Variants in RNF157 observed in about 807,000 individuals in gnomAD.
RNF157 encodes the protein E3 ubiquitin ligase RNF157.
In RNF157, 55 loss-of-function variants were observed where a neutral mutation model predicts 88.3. The ratio of observed to expected loss-of-function variants is 0.62; its 90% CI spans 0.50 to 0.78. The LOEUF is 0.78. RNF157 is among the 30% of genes least tolerant of loss of function. The pLI is 0.00. For missense variants in RNF157, 788 were observed against 860.8 expected, an observed-to-expected ratio of 0.92 and a Z score of 1.06; for synonymous variants, 334 against 341.2, an observed-to-expected ratio of 0.98 and a Z score of 0.23.
intron 2 of RNF157, among the ~76,000 whole-genome samples, chr17:76,203,733 T>C (rs1289910048): frequency 6.7e-6 from 1 of 149,834 alleles, no homozygotes; most frequent in East Asian, 2.0e-4. Flanking sequence ...ATTACAAGCA[T>C]GACCCACCAC....
chr17:76,210,266 C>T (rs996873161), intron 2 of RNF157, among the ~76,000 whole-genome samples: 4 of 151,872 alleles, frequency 2.6e-5, no homozygotes, highest in Admixed American at 1.3e-4. Flanking sequence ...TACTACTGGA[C>T]GAAAAATTAG....
intron 1 of RNF157, among the ~76,000 whole-genome samples, chr17:76,232,210 C>G (rs1443632074): frequency 2.0e-5 from 3 of 152,054 alleles, no homozygotes; most frequent in Admixed American, 1.3e-4. Context: ...TAGTGGGACC[C>G]CGTCTTTACA....
At chr17:76,156,484 C>A in intron 13 of RNF157, 163 bp from the exon 14 acceptor site, 1 of 1,429,286 alleles carries the variant, frequency 7.0e-7, no homozygotes, top group Middle Eastern at 2.4e-4. Context: ...TCCGTCCTCA[C>A]TTCAGCCCAA....
In RNF157 at chr17:76,157,255, C is replaced by T. The variant is rs563967060; in HGVS notation, c.1414-934G>A. Among the ~76,000 whole-genome samples the T allele has an allele frequency of 5.2e-4, 79 of 152,350 alleles. No homozygotes were observed. Among genetic ancestry groups the T allele is most frequent in the African/African-American group, 1.8e-3 (74 of 41,578 alleles). ...TGCCGGGATTCCAGGCGTGAGCCTC[C>T]GCGCCCGGCCAGTCACACAGTCCTT... On this transcript the variant is annotated intron_variant, in intron 13 of 18. Transcript: ENST00000269391. The surrounding 1 kb of genome is among the most constrained non-coding windows in gnomAD (Gnocchi z 5.6).
intron 2 of RNF157, among the ~76,000 whole-genome samples, chr17:76,179,231 C>T (rs1018193528): frequency 5.3e-5 from 8 of 151,402 alleles, no homozygotes; most frequent in Admixed American, 4.6e-4. Flanking sequence ...TTTGTCCCCA[C>T]AAAAAATGTA....
intron 3 of RNF157, among the ~76,000 whole-genome samples, chr17:76,169,579 G>GTTTT (rs558817508): frequency 2.2e-5 from 3 of 133,512 alleles, no homozygotes; most frequent in African/African-American, 8.4e-5. Flanking sequence ...GCCTAGTTAG[G>GTTTT]TTTTTTTTTT....
At chr17:76,164,832 A>C (rs2144847527) in intron 7 of RNF157, 37 bp from the exon 8 acceptor site, 1 of 1,495,894 alleles carries the variant, frequency 6.7e-7, no homozygotes, top group Non-Finnish European at 9.3e-7. Context: ...CAAGGAAGGG[A>C]GGGTAATAAA....
rs769565682 is a variant in RNF157, at chr17:76,152,473, G to T, written c.1811-8C>A. 16 of 1,575,368 alleles carry T rather than the reference G, an allele frequency of 1.0e-5. No individual in the cohort carries two copies. The highest frequency in any genetic ancestry group is 1.3e-5 in the Non-Finnish European group (15 of 1,144,878). On this transcript the variant is annotated splice_region_variant and splice_polypyrimidine_tract_variant and intron_variant, in intron 17 of 18. Transcript: ENST00000269391. ...ATGCGCACGTCCTCTGGCCTGTAAC[G>T]GAGTTAATGCAGTTAGAGAGGGGCT...
chr17:76,213,530 A>T (rs1018274684), intron 1 of RNF157, among the ~76,000 whole-genome samples: 2 of 149,224 alleles, frequency 1.3e-5, no homozygotes, highest in African/African-American at 5.0e-5. Context: ...AGATCACACC[A>T]CTACACTCCA....
chr17:76,178,948 A>G (rs771336657), intron 2 of RNF157, among the ~76,000 whole-genome samples: 24 of 152,170 alleles, frequency 1.6e-4, no homozygotes, highest in Non-Finnish European at 2.9e-4. Flanking sequence ...TGAGATTTCC[A>G]AGGATTAAAG....
chr17:76,210,565 G>A (rs2069774434), intron 2 of RNF157, among the ~76,000 whole-genome samples: 3 of 114,028 alleles, frequency 2.6e-5, no homozygotes, highest in Admixed American at 1.1e-4. Context: ...ACTCCAGCCT[G>A]GGCGACAGAG....
chr17:76,222,045 G>T (rs1263177079), intron 1 of RNF157, among the ~76,000 whole-genome samples: 1 of 152,180 alleles, frequency 6.6e-6, no homozygotes, highest in Non-Finnish European at 1.5e-5. Context: ...TGCTTAATTG[G>T]TTTTATTTTG....
chr17:76,183,364 T>C (rs539915164), intron 2 of RNF157, among the ~76,000 whole-genome samples: 2 of 152,286 alleles, frequency 1.3e-5, no homozygotes, highest in East Asian at 3.9e-4. Flanking sequence ...CTGATGCAGG[T>C]AGGTTAGAGA....
intron 1 of RNF157, among the ~76,000 whole-genome samples, chr17:76,215,239 T>C (rs892513394): frequency 4.0e-5 from 6 of 151,830 alleles, no homozygotes; most frequent in African/African-American, 1.5e-4. Flanking sequence ...AGGCCAGGAG[T>C]TGGAGACCAG....
chr17:76,153,182 A>G (rs1274915644), intron 17 of RNF157: 1 of 152,262 alleles, frequency 6.6e-6, no homozygotes, highest in African/African-American at 2.4e-5. Context: ...CGGTGAAACA[A>G]CCTGGCCACA....
At position 76,179,222 on chromosome 17, in the gene RNF157, T is replaced by C. The variant is rs533682503; in HGVS notation, c.208-5432A>G. Among the ~76,000 whole-genome samples, 3 of 151,812 alleles carry C rather than the reference T, an allele frequency of 2.0e-5. No individual in the cohort carries two copies. The East Asian group carries it at 5.8e-4, about 30-fold the overall frequency. On this transcript the variant is annotated intron_variant, in intron 2 of 18. Transcript: ENST00000269391. ...CCAGCCTGGGCAACATGGCGAGACT[T>C]TGTCCCCACAAAAAATGTAGAACTT...
chr17:76,155,361 C>T (rs374215088), intron 15 of RNF157, 44 bp from the exon 16 acceptor site: 69 of 1,594,650 alleles, frequency 4.3e-5, no homozygotes, highest in African/African-American at 1.2e-4. Context: ...ATAAAGGTCT[C>T]GTGACAGCAA....
At chr17:76,167,520 G>T (rs750250092) in intron 4 of RNF157, 131 bp downstream of exon 4, 28 of 1,320,106 alleles carry the variant, frequency 2.1e-5, no homozygotes, top group Middle Eastern at 2.3e-4. Flanking sequence ...ATAAGACATG[G>T]ACTCTCCCTA....
intron 1 of RNF157, among the ~76,000 whole-genome samples, chr17:76,214,766 T>C (rs748953577): frequency 2.0e-5 from 3 of 152,100 alleles, no homozygotes; most frequent in Non-Finnish European, 4.4e-5. Context: ...CAGTGCAATA[T>C]AATAACCAAA....
Sources: gnomAD v4.1 joint callset for allele counts (sites outside exome capture counted in the v4.1 genomes callset) on GRCh38, gnomAD v4.1.1 for gene constraint, Gnocchi (gnomAD v3.1) non-coding constraint, MANE v1.5 for transcripts, NCBI Gene and HGNC (gene_info 2026-07-23, HGNC 2026-07-21) for gene names.